Variants in SREK1 observed in about 807,000 individuals in gnomAD.
SREK1 encodes the protein splicing regulatory glutamic acid and lysine rich protein 1.
Under a neutral mutation model 66.5 loss-of-function variants are expected in SREK1, and 13 were observed. That is an observed-to-expected ratio of 0.20 (90% CI 0.13 to 0.31). The LOEUF (loss-of-function observed/expected upper bound fraction) is 0.31, where lower values mean the gene tolerates loss of function less well. SREK1 is among the 10% of genes least tolerant of loss of function. SREK1 has a pLI of 1.00. For synonymous variants in SREK1, 265 were observed against 263.5 expected (o/e 1.01, Z -0.05); for missense variants, 607 against 769.6 (o/e 0.79, Z 2.50).
intron 2 of SREK1, among the ~76,000 whole-genome samples, chr5:66,154,050 A>T (rs1744078196): frequency 6.6e-6 from 1 of 152,206 alleles, no homozygotes; most frequent in Admixed American, 6.5e-5. Flanking sequence ...CTCTTAAGGT[A>T]ATTTACCTTA....
intron 2 of SREK1, among the ~76,000 whole-genome samples, chr5:66,154,851 A>T (rs192718528): frequency 4.6e-5 from 7 of 152,268 alleles, no homozygotes; most frequent in Admixed American, 3.9e-4. Context: ...GTAAGCCCCA[A>T]ATTGGTGAGG....
intron 5 of SREK1, 117 bp downstream of exon 5, chr5:66,162,709 CTT>C (rs1395987157): frequency 7.4e-6 from 7 of 942,936 alleles, no homozygotes; most frequent in African/African-American, 5.0e-5. Context: ...GAAAGGAAGA[CTT>C]TGTGTTAAGT....
chr5:66,172,790 A>G (rs1430078359), intron 9 of SREK1, among the ~76,000 whole-genome samples: 1 of 151,442 alleles, frequency 6.6e-6, no homozygotes, highest in Non-Finnish European at 1.5e-5. Context: ...TCATGCTTTC[A>G]GAAGAGCTTG....
At chr5:66,163,713 ATG>A in intron 5 of SREK1, 77 bp from the exon 6 acceptor site, 4 of 1,434,962 alleles carry the variant, frequency 2.8e-6, no homozygotes. Flanking sequence ...GTTTATAAAT[ATG>A]TGTATCATAT....
chr5:66,170,680 A>T lies in SREK1; in HGVS notation c.1217A>T (p.Glu406Val). Residue 406 changes from glutamate (E) to valine (V), a missense_variant, in exon 9 of 12, where the codon GAA becomes GTA. Glu to Val is a moderately radical substitution (Grantham distance 121, BLOSUM62 -2). Transcript: ENST00000334121. ...GAGAGAGAGAGGGAAAAGGAACGTG[A>T]AAAAGAAAAGGAACGGGGTAAAAAC... ...EKEREREKER[E>V]KEKERGKNKD... is the part of the protein sequence containing the mutation. 6.2e-7 allele frequency: 1 copy of T among 1,613,110 alleles called. No individual in the cohort carries two copies. Among genetic ancestry groups the T allele is most frequent in the Non-Finnish European group, 8.5e-7 (1 of 1,179,552 alleles).
chr5:66,155,974 A>G, intron 2 of SREK1: 1 of 1,522,224 alleles, frequency 6.6e-7, no homozygotes, highest in Non-Finnish European at 8.8e-7. Context: ...ATCATCAGTC[A>G]TAACTTTATG....
intron 3 of SREK1, among the ~76,000 whole-genome samples, chr5:66,161,640 G>A (rs1465180008): frequency 1.3e-5 from 2 of 152,172 alleles, no homozygotes; most frequent in Non-Finnish European, 2.9e-5. Context: ...GCTGCTGGCT[G>A]TAAGTTCAGT....
At chr5:66,144,679 A>G in intron 1 of SREK1, 142 bp downstream of exon 1, 4 of 1,366,384 alleles carry the variant, frequency 2.9e-6, no homozygotes, top group Non-Finnish European at 3.8e-6. Context: ...ATATTTGATT[A>G]GGGCACCCGG....
rs1746632438 is a variant in SREK1, at chr5:66,183,153, A to G, written c.*4285A>G. On this transcript the variant is annotated 3_prime_UTR_variant, in exon 12 of 12. Transcript: ENST00000334121. ...TTCACATATTTTACCTCTATATTTT[A>G]TTTTTCCAGGATTGGTATGGAGGAG... The G allele has an allele frequency of 6.6e-6, 1 of 151,854 alleles. No individual in the cohort carries two copies. Among genetic ancestry groups the G allele is most frequent in the Admixed American group, 6.6e-5 (1 of 15,248 alleles). The allele number at this position is 151,854 out of a possible 1,614,324, so 9.4% of individuals were successfully genotyped here.
rs767203754 is a variant in SREK1, at chr5:66,144,496, C to A, written c.120C>A (p.Ser40=). 1.3e-6 allele frequency: 2 copies of A among 1,554,118 alleles called. No individual in the cohort carries two copies. The highest frequency in any genetic ancestry group is 2.4e-5 in the South Asian group (2 of 84,220). ...GCGAGCAGATGCGGACGCTTTTTTC[C>A]TTCCTAGGAGAAATCGAGGAGCTGC... is the stretch of plus-strand genomic sequence containing the variant. ...VTSEQMRTLF[S]FLGEIEELRL... is the part of the protein sequence containing the mutation. Residue 40 remains serine, a synonymous_variant, in exon 1 of 12, where the codon TCC becomes TCA. Transcript: ENST00000334121.
Position 66,144,305 on chromosome 5 carries a change from C to T in SREK1, c.-72C>T, listed in dbSNP as rs1239982006. The T allele has an allele frequency of 6.1e-6, 8 of 1,307,444 alleles. No individual in the cohort carries two copies. Among genetic ancestry groups the T allele is most frequent in the Non-Finnish European group, 7.3e-6 (7 of 964,318 alleles). 81.0% of individuals were successfully genotyped at this position (1,307,444 alleles called of 1,614,324 possible). ...GAGCGCGCTCGCGGCCGCGCGTTCTCCGCTTTCCCGGCTCCGTCGCTGACG... is the reference window on the plus strand; with the variant it reads ...GAGCGCGCTCGCGGCCGCGCGTTCTTCGCTTTCCCGGCTCCGTCGCTGACG... On this transcript the variant is annotated 5_prime_UTR_variant, in exon 1 of 12. Transcript: ENST00000334121.
At chr5:66,169,560 C>G (rs939033007) in intron 7 of SREK1, 1 of 152,186 alleles carries the variant, frequency 6.6e-6, no homozygotes, top group Admixed American at 6.5e-5. Context: ...CAAGGCATTG[C>G]AAATCCAATA....
At chr5:66,155,928 A>G in intron 2 of SREK1, 1 of 1,307,028 alleles carries the variant, frequency 7.7e-7, no homozygotes, top group Non-Finnish European at 1.0e-6. Flanking sequence ...ACACGTAGAA[A>G]AAGATACGGT....
chr5:66,170,607 G>T lies in SREK1; in HGVS notation c.1144G>T (p.Glu382Ter), dbSNP rs1268265401. 1 of 1,603,870 alleles carries T rather than the reference G, an allele frequency of 6.2e-7. No homozygotes were observed. Residue 382 changes from glutamate to a stop codon, truncating the protein, a stop_gained, in exon 9 of 12, where the codon GAA becomes TAA. Transcript: ENST00000334121. LOFTEE classifies it high-confidence loss of function. ...AAGGGACAAGAGAAAAGACACTCGAGAAAAGATCAAGGAAAAGGAAAGAGT... is the reference window on the plus strand; with the variant it reads ...AAGGGACAAGAGAAAAGACACTCGATAAAAGATCAAGGAAAAGGAAAGAGT... Reference protein sequence around the residue: ...HSRDKRKDTREKIKEKERVKE... With the variant: ...HSRDKRKDTR
At chr5:66,164,518 T>C in intron 6 of SREK1, 1 of 1,289,462 alleles carries the variant, frequency 7.8e-7, no homozygotes, top group Non-Finnish European at 1.0e-6. Flanking sequence ...GTCACAGGAA[T>C]TACAGACATG....
chr5:66,162,051 A>G (rs1744816562), intron 3 of SREK1, 58 bp from the exon 4 acceptor site: 5 of 1,554,852 alleles, frequency 3.2e-6, no homozygotes, highest in Admixed American at 4.0e-5. Context: ...AGAGAATGGT[A>G]TCTTTGGATA....
intron 10 of SREK1, among the ~76,000 whole-genome samples, chr5:66,175,727 G>A (rs1267371386): frequency 6.6e-6 from 1 of 152,158 alleles, no homozygotes; most frequent in Non-Finnish European, 1.5e-5. Flanking sequence ...CCACTTCATA[G>A]ATTTGAAAGC....
intron 2 of SREK1, chr5:66,156,126 C>A (rs1252213689): frequency 6.9e-7 from 1 of 1,454,154 alleles, no homozygotes; most frequent in East Asian, 2.8e-5. Context: ...GTTTGCCATG[C>A]CACTAAACCT....
chr5:66,164,936 T>C (rs1232077074), intron 7 of SREK1, 39 bp downstream of exon 7: 3 of 1,546,658 alleles, frequency 1.9e-6, no homozygotes, highest in Non-Finnish European at 2.6e-6. Context: ...TTTATTTTAG[T>C]TTTGTATTTA....
Sources: gnomAD v4.1 joint callset for allele counts (sites outside exome capture counted in the v4.1 genomes callset) on GRCh38, gnomAD v4.1.1 for gene constraint, MANE v1.5 for transcripts, NCBI Gene and HGNC (gene_info 2026-07-23, HGNC 2026-07-21) for gene names.